SHC4: variants seen among roughly 807,000 people sequenced by gnomAD.
SHC4 encodes the protein SHC-transforming protein 4.
SHC4 carries 41 observed loss-of-function variants against 69.4 expected under a neutral mutation model. The ratio of observed to expected loss-of-function variants is 0.59; its 90% CI spans 0.46 to 0.77. SHC4 has a LOEUF of 0.77. SHC4 is among the 30% of genes least tolerant of loss of function. The pLI, the probability that SHC4 is intolerant of heterozygous loss-of-function variation, is 0.00. For missense variants in SHC4, 777 were observed against 783.8 expected (o/e 0.99, Z 0.10); for synonymous variants, 318 against 299.3 (o/e 1.06, Z -0.64).
intron 6 of SHC4, among the ~76,000 whole-genome samples, chr15:48,859,953 G>C (rs972722602): frequency 6.6e-6 from 1 of 152,070 alleles, no homozygotes; most frequent in African/African-American, 2.4e-5. Flanking sequence ...AGGTTCACTT[G>C]AGCCCAGGGG....
At chr15:48,869,214 A>G (rs1203293645) in intron 5 of SHC4, among the ~76,000 whole-genome samples, 1 of 152,230 alleles carries the variant, frequency 6.6e-6, no homozygotes, top group South Asian at 2.1e-4. Context: ...AAGTGGAGAA[A>G]GTATATATAG....
chr15:48,878,584 G>A (rs1899875601), intron 4 of SHC4: 1 of 1,613,952 alleles, frequency 6.2e-7, no homozygotes, highest in Non-Finnish European at 8.5e-7. Context: ...AGATGTTTCT[G>A]AGAACAAGAG....
intron 4 of SHC4, among the ~76,000 whole-genome samples, chr15:48,873,176 C>A (rs577775100): frequency 8.5e-5 from 13 of 152,170 alleles, no homozygotes; most frequent in African/African-American, 3.1e-4. Flanking sequence ...CAAAAGAAGT[C>A]TAACACAAAG....
rs1898676606 is a variant in SHC4, at chr15:48,825,753, A to G, written c.*218T>C. 4 of 523,818 alleles carry G rather than the reference A, an allele frequency of 7.6e-6. No homozygotes were observed. The highest frequency in any genetic ancestry group is 1.3e-5 in the Non-Finnish European group (4 of 309,246). 32.4% of individuals were successfully genotyped at this position (523,818 alleles called of 1,614,324 possible). ...TCCGTGCATACATATAATTTCTTTTAAAATGACCAACCCTCTTCCTCTTTT... is the reference window on the plus strand; with the variant it reads ...TCCGTGCATACATATAATTTCTTTTGAAATGACCAACCCTCTTCCTCTTTT... On this transcript the variant is annotated 3_prime_UTR_variant, in exon 12 of 12. Transcript: ENST00000332408.
intron 1 of SHC4, among the ~76,000 whole-genome samples, chr15:48,950,976 C>A (rs1901356422): frequency 6.6e-6 from 1 of 152,064 alleles, no homozygotes; most frequent in Non-Finnish European, 1.5e-5. Flanking sequence ...TCCACCCTCT[C>A]CCTAGGTGAC....
intron 2 of SHC4, among the ~76,000 whole-genome samples, chr15:48,896,301 CCTCTCT>C (rs1169590147): frequency 7.4e-6 from 1 of 134,992 alleles, no homozygotes; most frequent in Admixed American, 7.7e-5. Context: ...CCTCCCTCTC[CCTCTCT>C]CTCTCTTTCT....
In SHC4 at chr15:48,826,058, C is replaced by T. The variant is rs144669082; in HGVS notation, c.1806G>A (p.Leu602=). The T allele has an allele frequency of 9.9e-6, 16 of 1,613,764 alleles. No homozygotes were observed. Among genetic ancestry groups the T allele is most frequent in the Non-Finnish European group, 1.4e-5 (16 of 1,179,952 alleles). Residue 602 remains leucine (L), a synonymous_variant, in exon 12 of 12, where the codon TTG becomes TTA. Coordinates refer to ENST00000332408, the MANE Select transcript of SHC4 (RefSeq NM_203349.4). ...CTTCGCTTCCAGAGGAGATGATTGGCAAACTGTTATCCATATGGTATCTGA... is the reference window on the plus strand; with the variant it reads ...CTTCGCTTCCAGAGGAGATGATTGGTAAACTGTTATCCATATGGTATCTGA... ...HLIRYHMDNS[L]PIISSGSEVS... is the part of the protein sequence containing the mutation.
At chr15:48,876,655 G>A in intron 4 of SHC4, 3 of 669,220 alleles carry the variant, frequency 4.5e-6, no homozygotes, top group Non-Finnish European at 5.5e-6. Context: ...AGGGCAGGAA[G>A]CATCCAACAC....
intron 2 of SHC4, among the ~76,000 whole-genome samples, chr15:48,892,686 G>C (rs1900156818): frequency 6.6e-6 from 1 of 151,872 alleles, no homozygotes. Flanking sequence ...AGAGTGATTT[G>C]GATGTTTTGG....
At chr15:48,935,718 C>T (rs1449102883) in intron 1 of SHC4, among the ~76,000 whole-genome samples, 2 of 151,998 alleles carry the variant, frequency 1.3e-5, no homozygotes, top group African/African-American at 2.4e-5. Flanking sequence ...TTTGAAGAAG[C>T]GGGAGTAGGG....
chr15:48,889,463 C>T (rs940600964), intron 3 of SHC4, among the ~76,000 whole-genome samples: 1 of 152,198 alleles, frequency 6.6e-6, no homozygotes, highest in African/African-American at 2.4e-5. Flanking sequence ...CCTTAATCAT[C>T]CTAGTGACTC....
chr15:48,897,756 G>GAC (rs138796905), intron 2 of SHC4, among the ~76,000 whole-genome samples: 49,392 of 138,894 alleles, frequency 0.36, 9,269 homozygotes, highest in Middle Eastern at 0.51. Context: ...CCCACCTTCT[G>GAC]ACACACACAC....
intron 9 of SHC4, among the ~76,000 whole-genome samples, chr15:48,846,782 C>T (rs954331560): frequency 2.6e-5 from 4 of 152,170 alleles, no homozygotes; most frequent in Non-Finnish European, 4.4e-5. Context: ...ATCCAATCTT[C>T]CTTTGTTGGC....
intron 11 of SHC4, among the ~76,000 whole-genome samples, chr15:48,830,314 C>A (rs1200855112): frequency 2.0e-5 from 3 of 152,212 alleles, no homozygotes; most frequent in Non-Finnish European, 4.4e-5. Flanking sequence ...ATACTCTACA[C>A]TGTTATTTCT....
intron 1 of SHC4, among the ~76,000 whole-genome samples, chr15:48,943,797 G>A (rs1170494158): frequency 6.6e-6 from 1 of 152,110 alleles, no homozygotes; most frequent in Middle Eastern, 3.4e-3. Flanking sequence ...CTTAACAGGT[G>A]TGAGATGATA....
chr15:48,942,280 C>T (rs1200537573), intron 1 of SHC4, among the ~76,000 whole-genome samples: 2 of 152,112 alleles, frequency 1.3e-5, no homozygotes, highest in Non-Finnish European at 2.9e-5. Context: ...TGAACAAGAT[C>T]ACCCCGCAGT....
In SHC4 at chr15:48,963,329, T is replaced by G. The variant is rs1052101565; in HGVS notation, c.-314A>C. On this transcript the variant is annotated 5_prime_UTR_variant, in exon 1 of 12. Coordinates refer to ENST00000332408, the MANE Select transcript of SHC4 (RefSeq NM_203349.4). ...GCGCGGGTCGCTCACGGCCAACTCT[T>G]AGGCGCAGAACCCGGGCGAGCGCCG... 11 of 316,114 alleles carry G rather than the reference T, an allele frequency of 3.5e-5. No homozygotes were observed. The highest frequency in any genetic ancestry group is 2.1e-4 in the African/African-American group (10 of 46,926). 19.6% of individuals were successfully genotyped at this position (316,114 alleles called of 1,614,324 possible). A position where few individuals can be genotyped will look rare whatever the true frequency, so the allele number is the denominator to read the frequency against.
chr15:48,883,577 TA>T (rs1397640821), intron 4 of SHC4, among the ~76,000 whole-genome samples: 1 of 152,188 alleles, frequency 6.6e-6, no homozygotes, highest in Admixed American at 6.5e-5. Context: ...GAATTTAGTT[TA>T]AAAAATTAAA....
intron 11 of SHC4, among the ~76,000 whole-genome samples, chr15:48,826,584 C>T (rs181131554): frequency 1.3e-5 from 2 of 152,300 alleles, no homozygotes; most frequent in East Asian, 3.9e-4. Context: ...CATTTTAAAG[C>T]AACCATTCCC....
Sources: gnomAD v4.1 joint callset for allele counts (sites outside exome capture counted in the v4.1 genomes callset) on GRCh38, gnomAD v4.1.1 for gene constraint, MANE v1.5 for transcripts, NCBI Gene and HGNC (gene_info 2026-07-23, HGNC 2026-07-21) for gene names.